The following FBXL7 variants were observed in gnomAD, a reference collection of about 807,000 sequenced individuals.
The protein encoded by FBXL7 is F-box and leucine rich repeat protein 7, also known as F-box/LRR-repeat protein 7.
FBXL7 carries 12 observed loss-of-function variants against 38.3 expected under a neutral mutation model. That is an observed-to-expected ratio of 0.31 (90% CI 0.20 to 0.51). FBXL7 has a LOEUF of 0.51. Ranked by LOEUF, FBXL7 falls within the 20% of genes least tolerant of loss-of-function variation. The pLI is 0.98. For missense variants in FBXL7, 567 were observed against 676.4 expected (o/e 0.84, Z 1.79); for synonymous variants, 297 against 300.9 (o/e 0.99, Z 0.13).
At chr5:15,749,937 A>C (rs1481101082) in intron 2 of FBXL7, among the ~76,000 whole-genome samples, 1 of 152,188 alleles carries the variant, frequency 6.6e-6, no homozygotes, top group Non-Finnish European at 1.5e-5. Context: ...GTAAGGGACA[A>C]GTTTTGGTGG....
At chr5:15,765,176 C>T (rs979903873) in intron 2 of FBXL7, among the ~76,000 whole-genome samples, 9 of 152,142 alleles carry the variant, frequency 5.9e-5, no homozygotes, top group South Asian at 4.2e-4. Context: ...GAGCTATATA[C>T]GAACAGGCAG....
intron 2 of FBXL7, among the ~76,000 whole-genome samples, chr5:15,835,430 T>C (rs1364265893): frequency 1.3e-5 from 2 of 152,196 alleles, no homozygotes; most frequent in African/African-American, 2.4e-5. Flanking sequence ...TAATATGCGA[T>C]AGAATTTTTA....
chr5:15,695,534 C>G (rs187943374), intron 2 of FBXL7, among the ~76,000 whole-genome samples: 1 of 152,220 alleles, frequency 6.6e-6, no homozygotes, highest in African/African-American at 2.4e-5. Context: ...GGTCCATTGG[C>G]TGGATATGGA....
chr5:15,518,974 C>T (rs894748706), intron 1 of FBXL7, among the ~76,000 whole-genome samples: 5 of 152,010 alleles, frequency 3.3e-5, no homozygotes, highest in African/African-American at 9.7e-5. Context: ...ACTTGCAGTC[C>T]GGTGAGGAGG....
chr5:15,718,412 A>G (rs982839941), intron 2 of FBXL7, among the ~76,000 whole-genome samples: 13 of 152,216 alleles, frequency 8.5e-5, no homozygotes, highest in Non-Finnish European at 1.0e-4. Flanking sequence ...ACTGAAATAA[A>G]TAAGCTGCTC....
chr5:15,648,857 G>A (rs567760109), intron 2 of FBXL7, among the ~76,000 whole-genome samples: 16 of 150,982 alleles, frequency 1.1e-4, no homozygotes, highest in African/African-American at 3.6e-4. Context: ...TATTGTCTCA[G>A]ACTGTGCTCT....
At chr5:15,712,357 A>G (rs932625620) in intron 2 of FBXL7, among the ~76,000 whole-genome samples, 1 of 150,308 alleles carries the variant, frequency 6.7e-6, no homozygotes, top group African/African-American at 2.5e-5. Context: ...ATAGTGAAAA[A>G]AAAAAAAAAA....
intron 2 of FBXL7, among the ~76,000 whole-genome samples, chr5:15,923,498 A>G (rs572088149): frequency 6.6e-6 from 1 of 152,268 alleles, no homozygotes; most frequent in East Asian, 1.9e-4. Flanking sequence ...AACAAAATTT[A>G]TTTTCAAATG....
chr5:15,657,720 C>T (rs1228104154), intron 2 of FBXL7, among the ~76,000 whole-genome samples: 1 of 152,016 alleles, frequency 6.6e-6, no homozygotes, highest in African/African-American at 2.4e-5. Context: ...TGCCTATAAT[C>T]CCAGGTGTTG....
At chr5:15,598,412 A>AT (rs919398460) in intron 1 of FBXL7, among the ~76,000 whole-genome samples, 1 of 151,998 alleles carries the variant, frequency 6.6e-6, no homozygotes. Flanking sequence ...TAGGATGAAG[A>AT]TTTTTTTTCC....
intron 2 of FBXL7, among the ~76,000 whole-genome samples, chr5:15,619,020 G>A (rs150467576): frequency 1.3e-5 from 2 of 152,208 alleles, no homozygotes; most frequent in South Asian, 2.1e-4. Flanking sequence ...CCCATTTAAC[G>A]GTGATCCTAG....
chr5:15,880,903 A>G (rs552016451), intron 2 of FBXL7, among the ~76,000 whole-genome samples: 83 of 151,724 alleles, frequency 5.5e-4, no homozygotes, highest in African/African-American at 2.0e-3. Context: ...TGATCATTTA[A>G]GCTTTATTAT....
chr5:15,779,571 T>C (rs2126719445), intron 2 of FBXL7, among the ~76,000 whole-genome samples: 1 of 152,238 alleles, frequency 6.6e-6, no homozygotes, highest in South Asian at 2.1e-4. Flanking sequence ...TTTTCAGAGT[T>C]GTGGTTCGGT....
intron 2 of FBXL7, among the ~76,000 whole-genome samples, chr5:15,790,869 T>C (rs1054164295): frequency 5.3e-5 from 8 of 152,194 alleles, no homozygotes; most frequent in African/African-American, 1.9e-4. Context: ...AATGGTTCTC[T>C]GAAGACATCT....
chr5:15,669,413 A>G (rs925936494), intron 2 of FBXL7, among the ~76,000 whole-genome samples: 1 of 152,174 alleles, frequency 6.6e-6, no homozygotes, highest in Non-Finnish European at 1.5e-5. Context: ...CCAACAGTGC[A>G]TTTATCCCAG....
At chr5:15,650,185 T>C (rs1427847957) in intron 2 of FBXL7, among the ~76,000 whole-genome samples, 3 of 152,174 alleles carry the variant, frequency 2.0e-5, no homozygotes, top group Non-Finnish European at 4.4e-5. Context: ...AGGGATATCT[T>C]AGAGATACTG....
chr5:15,551,330 C>T (rs899233034), intron 1 of FBXL7, among the ~76,000 whole-genome samples: 2 of 152,152 alleles, frequency 1.3e-5, no homozygotes, highest in African/African-American at 4.8e-5. Context: ...TGAATAGTTC[C>T]CCTTTCAAGG....
chr5:15,832,700 A>T (rs566161977), intron 2 of FBXL7, among the ~76,000 whole-genome samples: 1 of 152,322 alleles, frequency 6.6e-6, no homozygotes, highest in South Asian at 2.1e-4. Context: ...AGGCAATAAG[A>T]GATCTCAGAG....
intron 1 of FBXL7, among the ~76,000 whole-genome samples, chr5:15,606,178 T>C (rs1740007664): frequency 6.6e-6 from 1 of 152,178 alleles, no homozygotes; most frequent in Admixed American, 6.5e-5. Flanking sequence ...TTCTATTTTA[T>C]AGGTTTTTTG....
Sources: allele counts gnomAD v4.1 joint callset (sites outside exome capture counted in the v4.1 genomes callset), GRCh38; gene constraint gnomAD v4.1.1; transcripts MANE v1.5; gene names NCBI Gene and HGNC (gene_info 2026-07-23, HGNC 2026-07-21).